PCSK5: variants seen among roughly 807,000 people sequenced by gnomAD.
The protein encoded by PCSK5 is proprotein convertase subtilisin/kexin type 5, also known as prohormone convertase 5.
PCSK5 carries 129 observed loss-of-function variants against 233.2 expected under a neutral mutation model. The ratio of observed to expected loss-of-function variants is 0.55; its 90% CI spans 0.48 to 0.64. The LOEUF (loss-of-function observed/expected upper bound fraction) is 0.64. Ranked by LOEUF, PCSK5 falls within the 30% of genes least tolerant of loss-of-function variation. The pLI is 0.00. For missense variants in PCSK5, 2,076 were observed against 2,430.1 expected, an observed-to-expected ratio of 0.85 and a Z score of 3.06; for synonymous variants, 825 against 879.2, an observed-to-expected ratio of 0.94 and a Z score of 1.09.
At chr9:75,916,254 C>T (rs1822984305) in intron 1 of PCSK5, among the ~76,000 whole-genome samples, 3 of 152,172 alleles carry the variant, frequency 2.0e-5, no homozygotes, top group African/African-American at 7.2e-5. Flanking sequence ...GTGAAAATAG[C>T]ACTGAGCTTG....
chr9:75,892,098 G>C (rs954178038), intron 1 of PCSK5, among the ~76,000 whole-genome samples: 4 of 152,172 alleles, frequency 2.6e-5, no homozygotes, highest in African/African-American at 9.7e-5. Flanking sequence ...CCGGGAAAAC[G>C]AGGAGTCTTA....
Position 76,169,741 on chromosome 9 carries a change from G to C in PCSK5, c.1657G>C (p.Glu553Gln), listed in dbSNP as rs1490841354. The C allele has an allele frequency of 6.2e-7, 1 of 1,613,346 alleles. No individual in the cohort carries two copies. Among genetic ancestry groups the C allele is most frequent in the Non-Finnish European group, 8.5e-7 (1 of 1,179,492 alleles). The stretch of plus-strand genomic sequence containing the variant: ...CTCCATGGAAGGATTCAAAAACTGG[G>C]AGTTCATGACCATTCATTGCTGGGG... Reference protein sequence around the residue: ...DHSMEGFKNWEFMTIHCWGER... With the variant: ...DHSMEGFKNWQFMTIHCWGER... The change falls in exon 13 of 38, where the codon GAG becomes CAG. Residue 553 changes from glutamate (E) to glutamine (Q), a missense_variant. Glu to Gln is a conservative substitution (Grantham distance 29). Coordinates refer to ENST00000674117, the MANE Select transcript of PCSK5 (RefSeq NM_001372043.1).
intron 1 of PCSK5, 136 bp from the exon 2 acceptor site, chr9:75,932,243 C>G: frequency 3.3e-6 from 2 of 615,008 alleles, no homozygotes; most frequent in East Asian, 2.8e-5. Flanking sequence ...AACATTTAAG[C>G]ACAGCCAGCA....
At chr9:76,168,755 G>A (rs1034070952) in intron 12 of PCSK5, among the ~76,000 whole-genome samples, 1 of 152,082 alleles carries the variant, frequency 6.6e-6, no homozygotes, top group African/African-American at 2.4e-5. Context: ...AGTTTTTTAT[G>A]TGAATAATTC....
chr9:75,903,365 T>A (rs963343457), intron 1 of PCSK5, among the ~76,000 whole-genome samples: 1 of 151,794 alleles, frequency 6.6e-6, no homozygotes, highest in Non-Finnish European at 1.5e-5. Context: ...TATTTAAGTT[T>A]CTATTTTAAT....
At chr9:76,034,474 T>G (rs1329642687) in intron 5 of PCSK5, among the ~76,000 whole-genome samples, 1 of 152,154 alleles carries the variant, frequency 6.6e-6, no homozygotes, top group African/African-American at 2.4e-5. Flanking sequence ...CCTTCCTTAT[T>G]ATCGAGTCTA....
rs193252090 is a variant in PCSK5 at position 76,012,859 on chromosome 9, G to A, written c.412-10879G>A. 7.9e-5 allele frequency among the ~76,000 whole-genome samples: 12 copies of A among 152,162 alleles called. No homozygotes were observed. In the East Asian group the frequency reaches 2.1e-3, roughly 27 times the overall value. ...GTTGCTTGATTTTATATTACTCCCT[G>A]TTTTCTGAGCTTCCATACCACAATT... On this transcript the variant is annotated intron_variant, in intron 3 of 37. Coordinates refer to ENST00000674117, the MANE Select transcript of PCSK5 (RefSeq NM_001372043.1).
At chr9:76,150,493 C>G (rs926452419) in intron 10 of PCSK5, among the ~76,000 whole-genome samples, 2 of 152,030 alleles carry the variant, frequency 1.3e-5, no homozygotes, top group African/African-American at 4.8e-5. Flanking sequence ...ATTAGCCAGG[C>G]GTGGTGGCAC....
chr9:76,111,118 AAAAG>A (rs1264230437), intron 9 of PCSK5, among the ~76,000 whole-genome samples: 1 of 152,220 alleles, frequency 6.6e-6, no homozygotes, highest in East Asian at 1.9e-4. Context: ...AAACAAAAAA[AAAAG>A]TAAAGAAAAG....
chr9:76,072,400 C>CA (rs1830512369), intron 7 of PCSK5, among the ~76,000 whole-genome samples: 1 of 152,060 alleles, frequency 6.6e-6, no homozygotes, highest in African/African-American at 2.4e-5. Flanking sequence ...TTAATTACAC[C>CA]AAAAAATTGA....
chr9:76,321,982 T>C (rs1212362744), intron 31 of PCSK5, among the ~76,000 whole-genome samples: 1 of 151,970 alleles, frequency 6.6e-6, no homozygotes, highest in African/African-American at 2.4e-5. Context: ...GGAGTTTCAC[T>C]CTTGTTGCCC....
intron 22 of PCSK5, 26 bp from the exon 23 acceptor site, chr9:76,238,932 CT>C: frequency 6.5e-7 from 1 of 1,537,782 alleles, no homozygotes. Flanking sequence ...CATTTTCCCT[CT>C]TTTCGTTGCC....
chr9:75,956,046 T>C (rs1825081246), intron 2 of PCSK5, among the ~76,000 whole-genome samples: 2 of 152,228 alleles, frequency 1.3e-5, no homozygotes, highest in Non-Finnish European at 2.9e-5. Context: ...GGCTGTACTC[T>C]TGTAACCACT....
At position 75,923,584 on chromosome 9, in the gene PCSK5, G is replaced by C. The variant is rs558138183; in HGVS notation, c.193-8795G>C. On this transcript the variant is annotated intron_variant, in intron 1 of 37. Coordinates refer to ENST00000674117, the MANE Select transcript of PCSK5 (RefSeq NM_001372043.1). ...AATAAAAAGGAACCAAATTCAAATAGTCTTTCTAGTTTAATTTCCTTTTCT... is the reference window on the plus strand; with the variant it reads ...AATAAAAAGGAACCAAATTCAAATACTCTTTCTAGTTTAATTTCCTTTTCT... Among the ~76,000 whole-genome samples, 4 of 152,286 alleles carry C rather than the reference G, an allele frequency of 2.6e-5. No homozygotes were observed. The East Asian group carries it at 7.7e-4, about 29-fold the overall frequency.
At chr9:75,951,645 A>G (rs1824860661) in intron 2 of PCSK5, among the ~76,000 whole-genome samples, 2 of 152,212 alleles carry the variant, frequency 1.3e-5, no homozygotes, top group South Asian at 4.1e-4. Context: ...GTATTAATAC[A>G]TACAATCAGA....
intron 21 of PCSK5, among the ~76,000 whole-genome samples, chr9:76,229,288 T>C (rs1826000279): frequency 6.6e-6 from 1 of 152,228 alleles, no homozygotes; most frequent in African/African-American, 2.4e-5. Flanking sequence ...TGGACGTCTT[T>C]TGAACTAGGG....
At chr9:76,000,276 T>A (rs1587480452) in intron 3 of PCSK5, among the ~76,000 whole-genome samples, 1 of 152,200 alleles carries the variant, frequency 6.6e-6, no homozygotes, top group African/African-American at 2.4e-5. Flanking sequence ...TCCCTGATAT[T>A]ATCAATAAAT....
intron 34 of PCSK5, among the ~76,000 whole-genome samples, chr9:76,335,466 T>A (rs151119355): frequency 6.6e-6 from 1 of 152,310 alleles, no homozygotes; most frequent in East Asian, 1.9e-4. Flanking sequence ...AGGCATACAC[T>A]TCTCTGCACC....
At chr9:75,905,272 G>T (rs1175145120) in intron 1 of PCSK5, among the ~76,000 whole-genome samples, 1 of 152,170 alleles carries the variant, frequency 6.6e-6, no homozygotes, top group Non-Finnish European at 1.5e-5. Context: ...ACTTTGGGAG[G>T]TCAAAGTGGG....
Sources: gnomAD v4.1 joint callset for allele counts (sites outside exome capture counted in the v4.1 genomes callset) on GRCh38, gnomAD v4.1.1 for gene constraint, MANE v1.5 for transcripts, NCBI Gene and HGNC (gene_info 2026-07-23, HGNC 2026-07-21) for gene names.